FCER2: variants seen among roughly 807,000 people sequenced by gnomAD.
FCER2 encodes Fc epsilon receptor II.
A neutral mutation model predicts 49.7 loss-of-function variants in FCER2; 38 were observed. The observed-to-expected ratio is 0.76, with a 90% CI of 0.59 to 1.00. The LOEUF (loss-of-function observed/expected upper bound fraction) is 1.00. FCER2 is among the 50% of genes least tolerant of loss of function. The pLI is 0.00. For missense variants in FCER2, 425 were observed against 419.5 expected, an observed-to-expected ratio of 1.01 and a Z score of -0.11; for synonymous variants, 163 against 164.6, an observed-to-expected ratio of 0.99 and a Z score of 0.07.
chr19:7,690,387 C>G lies in FCER2; in HGVS notation c.621+19G>C. On this transcript the variant is annotated intron_variant, in intron 9 of 10. Transcript: ENST00000597921. ...ACCCTCGCCATGCTGCCCACCACCT[C>G]TGCAGAGCCCCAGCCCACCTGCTCC... 1 of 1,612,488 alleles carries G rather than the reference C, an allele frequency of 6.2e-7. No homozygotes were observed. Among genetic ancestry groups the G allele is most frequent in the Non-Finnish European group, 8.5e-7 (1 of 1,179,034 alleles).
chr19:7,690,229 A>G lies in FCER2; in HGVS notation c.658T>C (p.Trp220Arg), dbSNP rs558619258. ...AGGTCCAAGTTCCGAAGGCCAATCC[A>G]GGAGCCGGTGTGGCTGGCATGCTTG... is the stretch of plus-strand genomic sequence containing the variant. ...LTKHASHTGS[W>R]IGLRNLDLKG... The change falls in exon 10 of 11, where the codon TGG (tryptophan) becomes CGG (arginine). Residue 220 changes from tryptophan (W) to arginine (R), a missense_variant. Physicochemically the swap from Trp to Arg is moderately radical, Grantham distance 101 (BLOSUM62 -3). Coordinates refer to ENST00000597921, the MANE Select transcript of FCER2 (RefSeq NM_001220500.2). The G allele has an allele frequency of 6.2e-7, 1 of 1,614,040 alleles. No homozygotes were observed. Among genetic ancestry groups the G allele is most frequent in the Admixed American group, 1.7e-5 (1 of 60,020 alleles).
chr19:7,699,475 C>T (rs1599443058), intron 2 of FCER2: 2 of 1,364,066 alleles, frequency 1.5e-6, no homozygotes, highest in East Asian at 6.0e-5. Flanking sequence ...CTAGCTGAAG[C>T]CGTTTTTTTT....
chr19:7,697,219 C>G lies in FCER2; in HGVS notation c.316+17G>C, dbSNP rs117434896. ...CCCACCCAATCTGGCTTCATAACCC[C>G]GATCCCAGTCTCTCACCCTGAGATT... On this transcript the variant is annotated intron_variant, in intron 6 of 10. Transcript: ENST00000597921. The G allele has an allele frequency of 1.9e-6, 3 of 1,613,558 alleles. No homozygotes were observed. Among genetic ancestry groups the G allele is most frequent in the Admixed American group, 1.7e-5 (1 of 60,002 alleles).
At chr19:7,696,500 T>A (rs2033015075) in intron 8 of FCER2, among the ~76,000 whole-genome samples, 1 of 152,154 alleles carries the variant, frequency 6.6e-6, no homozygotes, top group African/African-American at 2.4e-5. Context: ...CCTCTCAAAG[T>A]GCTGGGATTA....
At chr19:7,698,113 A>G (rs1251194176) in intron 4 of FCER2, among the ~76,000 whole-genome samples, 1 of 152,168 alleles carries the variant, frequency 6.6e-6, no homozygotes, top group Non-Finnish European at 1.5e-5. Flanking sequence ...GACTTAAACT[A>G]TTTTCAACGT....
At chr19:7,693,570 A>C (rs2032938258) in intron 8 of FCER2, among the ~76,000 whole-genome samples, 1 of 151,860 alleles carries the variant, frequency 6.6e-6, no homozygotes, top group East Asian at 1.9e-4. Flanking sequence ...AACATAGCAA[A>C]AACCCGCTTT....
intron 2 of FCER2, 39 bp downstream of exon 2, chr19:7,699,700 A>T: frequency 6.3e-7 from 1 of 1,597,562 alleles, no homozygotes; most frequent in South Asian, 1.1e-5. Flanking sequence ...GCTAAGGGTC[A>T]TTGCTTCTGC....
rs745892615 is a variant in FCER2, at chr19:7,698,785, G to A, written c.92C>T (p.Thr31Ile). 2.7e-5 allele frequency: 44 copies of A among 1,612,712 alleles called. No individual in the cohort carries two copies. The Admixed American group carries it at 7.3e-4, about 27-fold the overall frequency. Reference protein sequence around the residue: ...GTQIVLLGLVTAALWAGLLTL... With the variant: ...GTQIVLLGLVIAALWAGLLTL... Reference sequence around the variant, plus strand: ...CAGCAGCCCAGCCCACAGAGCGGCGGTCACCAGCCCCAGCAGCACGATCTG... The same window carrying A: ...CAGCAGCCCAGCCCACAGAGCGGCGATCACCAGCCCCAGCAGCACGATCTG... The change falls in exon 3 of 11, where the codon ACC (threonine) becomes ATC (isoleucine). Residue 31 changes from threonine to isoleucine, a missense_variant. Coordinates refer to ENST00000597921, the MANE Select transcript of FCER2 (RefSeq NM_001220500.2).
At chr19:7,690,581 G>A (rs776583310) in intron 8 of FCER2, 24 bp from the exon 9 acceptor site, 2 of 1,609,446 alleles carry the variant, frequency 1.2e-6, no homozygotes, top group South Asian at 2.2e-5. Flanking sequence ...GAGGCTCGGG[G>A]GTGGGGCCAA....
Position 7,689,249 on chromosome 19 carries a change from A to C in FCER2, c.910T>G (p.Ser304Ala). ...EGSAESMGPD[S>A]RPDPDGRLPT... ...AGGCGGCCGTCAGGGTCTGGTCTTG[A>C]ATCAGGTCCCATGGACTCCGCGGAA... is the stretch of plus-strand genomic sequence containing the variant. Residue 304 changes from serine (S) to alanine (A), a missense_variant, in exon 11 of 11, where the codon TCA (serine) becomes GCA (alanine). By Grantham distance (99) the Ser-to-Ala change is moderately conservative. Coordinates refer to ENST00000597921, the MANE Select transcript of FCER2 (RefSeq NM_001220500.2). 1 of 1,613,812 alleles carries C rather than the reference A, an allele frequency of 6.2e-7. No homozygotes were observed. Among genetic ancestry groups the C allele is most frequent in the Non-Finnish European group, 8.5e-7 (1 of 1,179,914 alleles).
chr19:7,698,404 C>T lies in FCER2; in HGVS notation c.142G>A (p.Asp48Asn). The change falls in exon 4 of 11, where the codon GAC becomes AAC. Residue 48 changes from aspartate (D) to asparagine (N), a missense_variant. By Grantham distance (23) the Asp-to-Asn change is conservative (BLOSUM62 1). Transcript: ENST00000597921. Reference sequence around the variant, plus strand: ...AGCTGTTTTAGACTCTGTGTGGTGTCCCAGTCTGGGGAGGGGGAGAGAAGA... The same window carrying T: ...AGCTGTTTTAGACTCTGTGTGGTGTTCCAGTCTGGGGAGGGGGAGAGAAGA... ...LLTLLLLWHW[D>N]TTQSLKQLEE... 6.2e-7 allele frequency: 1 copy of T among 1,611,954 alleles called. No individual in the cohort carries two copies. The highest frequency in any genetic ancestry group is 8.5e-7 in the Non-Finnish European group (1 of 1,178,602).
chr19:7,690,718 G>T (rs1047270063), intron 8 of FCER2, among the ~76,000 whole-genome samples, 161 bp from the exon 9 acceptor site: 2 of 152,078 alleles, frequency 1.3e-5, no homozygotes, highest in Non-Finnish European at 1.5e-5. Context: ...TGTGTTCTCT[G>T]CTGGAGCTAT....
intron 2 of FCER2, chr19:7,699,431 A>T: frequency 6.9e-7 from 1 of 1,443,594 alleles, no homozygotes; most frequent in Non-Finnish European, 9.2e-7. Flanking sequence ...TTCCTGTTCT[A>T]TTTGGCCTCT....
At chr19:7,699,695 G>C in intron 2 of FCER2, 44 bp downstream of exon 2, 1 of 1,591,040 alleles carries the variant, frequency 6.3e-7, no homozygotes, top group Admixed American at 1.7e-5. Context: ...CAGTAGCTAA[G>C]GGTCATTGCT....
In FCER2 at chr19:7,697,516, G is replaced by T. The variant is rs2033048646; in HGVS notation, c.253+11C>A. On this transcript the variant is annotated intron_variant, in intron 5 of 10. Coordinates refer to ENST00000597921, the MANE Select transcript of FCER2 (RefSeq NM_001220500.2). Reference sequence around the variant, plus strand: ...TTTTCCCCTGCAACCCCAACTCCAGGAGTCACTCACACTGGGATTTCTGCG... The same window carrying T: ...TTTTCCCCTGCAACCCCAACTCCAGTAGTCACTCACACTGGGATTTCTGCG... 15 of 1,612,006 alleles carry T rather than the reference G, an allele frequency of 9.3e-6. No homozygotes were observed. Among genetic ancestry groups the T allele is most frequent in the Non-Finnish European group, 1.2e-5 (14 of 1,178,254 alleles).
intron 8 of FCER2, among the ~76,000 whole-genome samples, chr19:7,695,207 CA>C (rs1210279641): frequency 2.6e-5 from 4 of 152,196 alleles, no homozygotes; most frequent in Non-Finnish European, 5.9e-5. Flanking sequence ...CTGAGGTCAA[CA>C]CTGCCTCCAT....
In FCER2 at chr19:7,689,190, T is replaced by C; in HGVS notation, c.*3A>G. On this transcript the variant is annotated 3_prime_UTR_variant, in exon 11 of 11. Transcript: ENST00000597921. Reference sequence around the variant, plus strand: ...CTTGCTCTGGGCCTGGCTGTATCCATGCTCAAGAGTGGAGAGGGGCAGAGG... The same window carrying C: ...CTTGCTCTGGGCCTGGCTGTATCCACGCTCAAGAGTGGAGAGGGGCAGAGG... 6.3e-7 allele frequency: 1 copy of C among 1,596,352 alleles called. No individual in the cohort carries two copies. Among genetic ancestry groups the C allele is most frequent in the Non-Finnish European group, 8.6e-7 (1 of 1,164,588 alleles).
Position 7,698,780 on chromosome 19 carries a change from C to A in FCER2, c.97G>T (p.Ala33Ser). 1.2e-6 allele frequency: 2 copies of A among 1,612,702 alleles called. No individual in the cohort carries two copies. Among genetic ancestry groups the A allele is most frequent in the Non-Finnish European group, 1.7e-6 (2 of 1,179,436 alleles). Residue 33 changes from alanine (A) to serine (S), a missense_variant, in exon 3 of 11, where the codon GCT becomes TCT. By Grantham distance (99) the Ala-to-Ser change is moderately conservative. Coordinates refer to ENST00000597921, the MANE Select transcript of FCER2 (RefSeq NM_001220500.2). ...QIVLLGLVTAALWAGLLTLLL... is the reference protein window; with the variant it reads ...QIVLLGLVTASLWAGLLTLLL... ...AGAGTCAGCAGCCCAGCCCACAGAG[C>A]GGCGGTCACCAGCCCCAGCAGCACG...
intron 2 of FCER2, 26 bp downstream of exon 2, chr19:7,699,713 A>G (rs781214296): frequency 9.9e-5 from 159 of 1,611,332 alleles, no homozygotes; most frequent in Admixed American, 7.7e-4. Flanking sequence ...GCTTCTGCCA[A>G]CGTTAGAACC....
Sources: allele counts gnomAD v4.1 joint callset (sites outside exome capture counted in the v4.1 genomes callset), GRCh38; gene constraint gnomAD v4.1.1; transcripts MANE v1.5; gene names NCBI Gene and HGNC (gene_info 2026-07-23, HGNC 2026-07-21).